The following NR2C1 variants were observed in gnomAD, a reference collection of about 807,000 sequenced individuals.
The protein encoded by NR2C1 is TR2 nuclear hormone receptor.
A neutral mutation model predicts 74.8 loss-of-function variants in NR2C1; 33 were observed. That is an observed-to-expected ratio of 0.44 (90% CI 0.33 to 0.59). NR2C1 has a LOEUF of 0.59. NR2C1 is among the 20% of genes least tolerant of loss of function. The pLI, the probability that NR2C1 is intolerant of heterozygous loss-of-function variation, is 0.02. For synonymous variants in NR2C1, 225 were observed against 240.6 expected (o/e 0.94, Z 0.60); for missense variants, 568 against 715.6 (o/e 0.79, Z 2.35).
Position 95,062,601 on chromosome 12 carries a change from G to A in NR2C1, c.192C>T (p.Ser64=), listed in dbSNP as rs781198828. ...PSKVILARQD[S]TPGKVFLTTP... ...TTGTAAGGAAAACTTTTCCCGGAGT[G>A]GAATCTTGCCTGGCCAGAATGACTT... The change falls in exon 3 of 14, where the codon TCC becomes TCT. Residue 64 remains serine, a synonymous_variant. Coordinates refer to ENST00000333003, the MANE Select transcript of NR2C1 (RefSeq NM_003297.4). The A allele has an allele frequency of 6.2e-7, 1 of 1,614,090 alleles. No homozygotes were observed. Among genetic ancestry groups the A allele is most frequent in the Non-Finnish European group, 8.5e-7 (1 of 1,180,014 alleles).
Position 95,021,629 on chromosome 12 carries a change from CCTGT to C in NR2C1, c.*596_*599del, listed in dbSNP as rs1868785009. On this transcript the variant is annotated 3_prime_UTR_variant, in exon 14 of 14. Transcript: ENST00000333003. ...TGGCAACTCTTAAGATCATGAATGG[CCTGT>C]CTCACTGCCAGCAATGAGAGTAGTA... 2 of 151,930 alleles carry C rather than the reference CCTGT, an allele frequency of 1.3e-5. No homozygotes were observed. The highest frequency in any genetic ancestry group is 6.6e-5 in the Admixed American group (1 of 15,232). 9.4% of individuals were successfully genotyped at this position (151,930 alleles called of 1,614,324 possible).
chr12:95,063,961 G>A (rs1364296772), intron 2 of NR2C1, among the ~76,000 whole-genome samples: 2 of 150,158 alleles, frequency 1.3e-5, no homozygotes, highest in East Asian at 3.9e-4. Context: ...CCCTGGAGGC[G>A]GAGGTTGCAG....
chr12:95,071,120 G>C (rs565445026), intron 1 of NR2C1, among the ~76,000 whole-genome samples: 94 of 151,842 alleles, frequency 6.2e-4, no homozygotes, highest in Admixed American at 1.3e-3. Context: ...AGAATCGCTT[G>C]AACCTGGGAG....
chr12:95,031,323 G>T, intron 11 of NR2C1, 26 bp downstream of exon 11: 1 of 1,518,078 alleles, frequency 6.6e-7, no homozygotes, highest in South Asian at 1.4e-5. Flanking sequence ...CTACAACCTG[G>T]AAAAGGTAAG....
chr12:95,071,272 T>C (rs1876558402), intron 1 of NR2C1, among the ~76,000 whole-genome samples: 1 of 152,140 alleles, frequency 6.6e-6, no homozygotes, highest in African/African-American at 2.4e-5. Flanking sequence ...CGAACAATTA[T>C]TTTGTAGACT....
intron 13 of NR2C1, among the ~76,000 whole-genome samples, chr12:95,022,720 A>ATTT (rs1868903914): frequency 7.4e-6 from 1 of 134,386 alleles, no homozygotes; most frequent in Non-Finnish European, 1.6e-5. Flanking sequence ...TTTTTTTGAG[A>ATTT]GAGGGCCTCG....
chr12:95,068,342 AG>A (rs1380228056), intron 1 of NR2C1, among the ~76,000 whole-genome samples: 6 of 152,150 alleles, frequency 3.9e-5, no homozygotes, highest in Non-Finnish European at 8.8e-5. Context: ...CTCAATTCTG[AG>A]GTACTGGTGG....
chr12:95,065,645 T>C (rs943370805), intron 2 of NR2C1, among the ~76,000 whole-genome samples: 3 of 152,112 alleles, frequency 2.0e-5, no homozygotes, highest in Non-Finnish European at 4.4e-5. Context: ...TTAGTTATTT[T>C]AAAATGCATA....
chr12:95,049,045 T>A (rs200741168), intron 9 of NR2C1, 23 bp downstream of exon 9: 3 of 1,604,770 alleles, frequency 1.9e-6, no homozygotes, highest in East Asian at 2.2e-5. Flanking sequence ...AACATACAAG[T>A]TAAAAAAAAC....
In NR2C1 at chr12:95,055,454, C is replaced by T. The variant is rs567421991; in HGVS notation, c.783+2099G>A. ...TAGCAATTACATGCTAAAGCCCAAA[C>T]TGTAAGATACTTTTATTACTCTTAT... is the stretch of plus-strand genomic sequence containing the variant. On this transcript the variant is annotated intron_variant, in intron 7 of 13. Coordinates refer to ENST00000333003, the MANE Select transcript of NR2C1 (RefSeq NM_003297.4). Among the ~76,000 whole-genome samples the T allele has an allele frequency of 5.0e-4, 76 of 151,692 alleles. 5 individuals carry two copies. In the South Asian group the frequency reaches 0.015, roughly 30 times the overall value.
At chr12:95,067,878 C>CTTTTTT (rs35730526) in intron 1 of NR2C1, among the ~76,000 whole-genome samples, 4 of 110,012 alleles carry the variant, frequency 3.6e-5, no homozygotes, top group Non-Finnish European at 7.4e-5. Flanking sequence ...CTCCATGTAT[C>CTTTTTT]TTTTTTTTTT....
At chr12:95,045,128 C>G (rs1872147211) in intron 9 of NR2C1, among the ~76,000 whole-genome samples, 1 of 152,038 alleles carries the variant, frequency 6.6e-6, no homozygotes, top group African/African-American at 2.4e-5. Context: ...CCAGTATGAC[C>G]CTAGATTACA....
intron 9 of NR2C1, among the ~76,000 whole-genome samples, chr12:95,042,897 G>GCA (rs1408868479): frequency 7.5e-6 from 1 of 134,166 alleles, no homozygotes; most frequent in Non-Finnish European, 1.5e-5. Context: ...AGTAGTTCAA[G>GCA]ACCGGCCTGG....
intron 9 of NR2C1, among the ~76,000 whole-genome samples, chr12:95,048,073 C>A (rs1565854996): frequency 6.6e-6 from 1 of 152,016 alleles, no homozygotes; most frequent in African/African-American, 2.4e-5. Flanking sequence ...TAATTTGTAT[C>A]TTTTTAAATT....
intron 13 of NR2C1, among the ~76,000 whole-genome samples, chr12:95,024,683 A>C (rs1044912795): frequency 6.6e-6 from 1 of 152,106 alleles, no homozygotes; most frequent in Admixed American, 6.6e-5. Context: ...TTGCAGTCTC[A>C]CCTCAGCTTT....
At chr12:95,043,320 G>A (rs1871841771) in intron 9 of NR2C1, among the ~76,000 whole-genome samples, 1 of 151,992 alleles carries the variant, frequency 6.6e-6, no homozygotes, top group South Asian at 2.1e-4. Flanking sequence ...AAGGAAGTCT[G>A]AAAAACTAAG....
chr12:95,071,476 C>T (rs117795207), intron 1 of NR2C1, among the ~76,000 whole-genome samples: 5,133 of 151,912 alleles, frequency 0.034, 126 homozygotes, highest in Middle Eastern at 0.078. Flanking sequence ...GTTTTTATTC[C>T]CCAAGAGTAG....
intron 11 of NR2C1, 139 bp downstream of exon 11, chr12:95,031,210 A>T (rs1011370863): frequency 8.4e-6 from 6 of 717,606 alleles, no homozygotes; most frequent in Non-Finnish European, 1.2e-5. Flanking sequence ...AAAATTGTAA[A>T]AATTATCTAA....
intron 12 of NR2C1, 61 bp downstream of exon 12, chr12:95,028,326 G>C: frequency 1.4e-6 from 2 of 1,389,258 alleles, no homozygotes; most frequent in South Asian, 2.5e-5. Context: ...ACATATGAGG[G>C]CTTCTATTTC....
Sources: allele counts gnomAD v4.1 joint callset (sites outside exome capture counted in the v4.1 genomes callset), GRCh38; gene constraint gnomAD v4.1.1; transcripts MANE v1.5; gene names NCBI Gene and HGNC (gene_info 2026-07-23, HGNC 2026-07-21).